AHI1: variants seen among roughly 807,000 people sequenced by gnomAD.
The protein encoded by AHI1 is jouberin.
A neutral mutation model predicts 149.3 loss-of-function variants in AHI1; 123 were observed. That is an observed-to-expected ratio of 0.82 (90% CI 0.71 to 0.96). The LOEUF (loss-of-function observed/expected upper bound fraction) is 0.96. Ranked by LOEUF, AHI1 falls within the 40% of genes least tolerant of loss-of-function variation. The pLI is 0.00. For synonymous variants in AHI1, 475 were observed against 459.8 expected, an observed-to-expected ratio of 1.03 and a Z score of -0.42; for missense variants, 1,439 against 1,422.7, an observed-to-expected ratio of 1.01 and a Z score of -0.18.
At chr6:135,413,470 G>A (rs1182676996) in intron 20 of AHI1, among the ~76,000 whole-genome samples, 1 of 148,898 alleles carries the variant, frequency 6.7e-6, no homozygotes, top group Non-Finnish European at 1.5e-5. Flanking sequence ...TGGACAAACT[G>A]TATAAAAGAA....
chr6:135,458,831 G>C (rs934867098), intron 8 of AHI1, among the ~76,000 whole-genome samples: 2 of 152,106 alleles, frequency 1.3e-5, no homozygotes, highest in African/African-American at 4.8e-5. Context: ...AAGCACTGAA[G>C]GGCAAAACTG....
chr6:135,467,144 G>A (rs1283080833), intron 6 of AHI1, among the ~76,000 whole-genome samples: 1 of 152,114 alleles, frequency 6.6e-6, no homozygotes, highest in African/African-American at 2.4e-5. Context: ...AGGGCAGTAT[G>A]CTTCAGGTAG....
At chr6:135,468,307 C>T (rs9494246) in intron 5 of AHI1, among the ~76,000 whole-genome samples, 6 of 151,738 alleles carry the variant, frequency 4.0e-5, no homozygotes, top group African/African-American at 1.2e-4. Context: ...AGGAAAAAAA[C>T]CCCCAGAAAA....
intron 26 of AHI1, among the ~76,000 whole-genome samples, chr6:135,316,902 C>T (rs1173750912): frequency 6.6e-6 from 1 of 152,186 alleles, no homozygotes; most frequent in African/African-American, 2.4e-5. Context: ...CTTATCATAT[C>T]TTACTCTGCA....
At chr6:135,422,541 A>C (rs1157094490) in intron 20 of AHI1, among the ~76,000 whole-genome samples, 1 of 152,038 alleles carries the variant, frequency 6.6e-6, no homozygotes, top group Non-Finnish European at 1.5e-5. Flanking sequence ...TATACTAAAG[A>C]ATATTTGTAT....
At chr6:135,319,757 T>C (rs1250769461) in intron 25 of AHI1, among the ~76,000 whole-genome samples, 1 of 152,234 alleles carries the variant, frequency 6.6e-6, no homozygotes, top group Non-Finnish European at 1.5e-5. Context: ...TTATGAGATA[T>C]ACTAATTGTC....
chr6:135,365,970 TTAAGG>T (rs1220177002), intron 23 of AHI1, among the ~76,000 whole-genome samples: 2 of 152,222 alleles, frequency 1.3e-5, no homozygotes, highest in Non-Finnish European at 2.9e-5. Flanking sequence ...TCTTATTACC[TTAAGG>T]TATGTCCCTT....
In AHI1 at chr6:135,460,813, C is replaced by T. The variant is rs147713331; in HGVS notation, c.931+2312G>A. Among the ~76,000 whole-genome samples, 507 of 152,186 alleles carry T rather than the reference C, an allele frequency of 3.3e-3. 3 individuals carry two copies. The highest frequency in any genetic ancestry group is 0.012 in the African/African-American group (482 of 41,504). ...ATTTATGGGAAAAGTGACACTGCAA[C>T]ACAGAGGGAAAAAGACACTCTCTTC... On this transcript the variant is annotated intron_variant, in intron 8 of 28. Transcript: ENST00000265602.
At chr6:135,357,186 C>G (rs1386200574) in intron 24 of AHI1, among the ~76,000 whole-genome samples, 1 of 152,220 alleles carries the variant, frequency 6.6e-6, no homozygotes, top group South Asian at 2.1e-4. Flanking sequence ...ATCTGCCCGC[C>G]TTGGCCTCCC....
rs863225137 is a variant in AHI1 at position 135,448,289 on chromosome 6, C to T, written c.1626+1G>A. 30 of 1,571,592 alleles carry T rather than the reference C, an allele frequency of 1.9e-5. No homozygotes were observed. The highest frequency in any genetic ancestry group is 2.6e-5 in the Non-Finnish European group (30 of 1,152,086). On this transcript the variant is annotated splice_donor_variant, in intron 12 of 28. Coordinates refer to ENST00000265602, the MANE Select transcript of AHI1 (RefSeq NM_001134831.2). LOFTEE classifies it high-confidence loss of function. The stretch of plus-strand genomic sequence containing the variant: ...ACACTTAATATGTACTATTAACTTA[C>T]ACAGTCTGGAACTTTCAGTCCTCTT...
At chr6:135,305,608 A>T (rs548478943) in intron 26 of AHI1, among the ~76,000 whole-genome samples, 4 of 152,298 alleles carry the variant, frequency 2.6e-5, no homozygotes, top group African/African-American at 9.6e-5. Flanking sequence ...TTTTGGCTTG[A>T]ATTATTGCAA....
intron 24 of AHI1, among the ~76,000 whole-genome samples, chr6:135,357,767 T>C (rs948358759): frequency 4.6e-5 from 7 of 152,222 alleles, no homozygotes; most frequent in Non-Finnish European, 7.3e-5. Context: ...ATGCCTTTTG[T>C]TGAGAAGAAG....
chr6:135,306,475 G>A (rs935002074), intron 26 of AHI1, among the ~76,000 whole-genome samples: 6 of 152,200 alleles, frequency 3.9e-5, no homozygotes, highest in African/African-American at 1.4e-4. Context: ...GCTTGAGTGA[G>A]AAACGTGGAC....
At chr6:135,418,869 C>T (rs945548250) in intron 20 of AHI1, among the ~76,000 whole-genome samples, 1 of 151,798 alleles carries the variant, frequency 6.6e-6, no homozygotes, top group African/African-American at 2.4e-5. Flanking sequence ...GGTAGTTCTA[C>T]TTAGTTTCCC....
chr6:135,306,052 C>T (rs1338271465), intron 26 of AHI1, among the ~76,000 whole-genome samples: 1 of 152,224 alleles, frequency 6.6e-6, no homozygotes, highest in Non-Finnish European at 1.5e-5. Flanking sequence ...ATTAAAGTTA[C>T]TTTCACCTGT....
At chr6:135,433,314 G>T in intron 15 of AHI1, 58 bp from the exon 16 acceptor site, 1 of 1,301,624 alleles carries the variant, frequency 7.7e-7, no homozygotes, top group Non-Finnish European at 1.1e-6. Context: ...TCTTTTAACA[G>T]TTTTTCTAAG....
At chr6:135,378,515 C>T (rs569989393) in intron 23 of AHI1, among the ~76,000 whole-genome samples, 1 of 152,214 alleles carries the variant, frequency 6.6e-6, no homozygotes, top group Non-Finnish European at 1.5e-5. Flanking sequence ...TATATTCTAT[C>T]TGAGGCTAGC....
intron 13 of AHI1, among the ~76,000 whole-genome samples, chr6:135,443,685 C>T (rs1005143070): frequency 3.9e-5 from 6 of 152,088 alleles, no homozygotes; most frequent in African/African-American, 7.2e-5. Context: ...TCTAGCAGTT[C>T]CTCTGGAGAC....
chr6:135,429,916 T>C lies in AHI1; in HGVS notation c.2458A>G (p.Lys820Glu), dbSNP rs755535580. The change falls in exon 18 of 29, where the codon AAA (lysine) becomes GAA (glutamate). Residue 820 changes from lysine (K) to glutamate (E), a missense_variant. Physicochemically the swap from Lys to Glu is moderately conservative, Grantham distance 56. Transcript: ENST00000265602. Reference sequence around the variant, plus strand: ...TCCATAATTCTCAAAGTACTGTCTTTGGTATGGATTAACAAACGTTTTCCA... The same window carrying C: ...TCCATAATTCTCAAAGTACTGTCTTCGGTATGGATTAACAAACGTTTTCCA... ...PNGKRLLIHT[K>E]DSTLRIMDLR... 18 of 1,586,680 alleles carry C rather than the reference T, an allele frequency of 1.1e-5. No homozygotes were observed. The highest frequency in any genetic ancestry group is 1.5e-5 in the Non-Finnish European group (18 of 1,162,876).
Sources: allele counts gnomAD v4.1 joint callset (sites outside exome capture counted in the v4.1 genomes callset), GRCh38; gene constraint gnomAD v4.1.1; transcripts MANE v1.5; gene names NCBI Gene and HGNC (gene_info 2026-07-23, HGNC 2026-07-21).